HECW2: variants seen among roughly 807,000 people sequenced by gnomAD.
HECW2 encodes E3 ubiquitin-protein ligase HECW2.
In HECW2, 61 loss-of-function variants were observed where a neutral mutation model predicts 175.2. The observed-to-expected ratio is 0.35, with a 90% confidence interval of 0.28 to 0.43. HECW2 has a LOEUF of 0.43. Among genes scored for constraint, HECW2 ranks in the 20% least tolerant of loss-of-function variants. The pLI, the probability that HECW2 is intolerant of heterozygous loss-of-function variation, is 1.00. For missense variants in HECW2, 1,524 were observed against 2,000.5 expected (o/e 0.76, Z 4.54); for synonymous variants, 671 against 731.0 (o/e 0.92, Z 1.32).
intron 2 of HECW2, among the ~76,000 whole-genome samples, chr2:196,412,892 G>A (rs1695153364): frequency 6.6e-6 from 1 of 152,184 alleles, no homozygotes; most frequent in Non-Finnish European, 1.5e-5. Context: ...GCTGGAAGGA[G>A]CCCTCTGAAT....
At chr2:196,266,548 G>A (rs1233206307) in intron 17 of HECW2, among the ~76,000 whole-genome samples, 1 of 152,100 alleles carries the variant, frequency 6.6e-6, no homozygotes, top group Non-Finnish European at 1.5e-5. Context: ...AGCTAGGCAG[G>A]TCTTAACAGG....
intron 14 of HECW2, chr2:196,287,931 T>A (rs1216383167): frequency 1.3e-5 from 2 of 152,110 alleles, no homozygotes; most frequent in South Asian, 4.1e-4. Context: ...ATGCCATAAA[T>A]AAGTCATTCT....
At chr2:196,399,043 GTTA>G (rs1694746899) in intron 2 of HECW2, among the ~76,000 whole-genome samples, 1 of 152,124 alleles carries the variant, frequency 6.6e-6, no homozygotes. Flanking sequence ...ACAATCCAAT[GTTA>G]TTATATGATT....
chr2:196,538,702 C>T (rs1213605464), intron 1 of HECW2, among the ~76,000 whole-genome samples: 1 of 152,144 alleles, frequency 6.6e-6, no homozygotes, highest in African/African-American at 2.4e-5. Context: ...GTCTCATGAG[C>T]TAACATGTTC....
At chr2:196,548,886 A>G (rs192923506) in intron 1 of HECW2, among the ~76,000 whole-genome samples, 2 of 152,148 alleles carry the variant, frequency 1.3e-5, no homozygotes, top group East Asian at 1.9e-4. Context: ...CTTTCTGCCC[A>G]TATTTCCCCT....
chr2:196,380,719 G>A (rs890881287), intron 2 of HECW2, among the ~76,000 whole-genome samples: 2 of 152,152 alleles, frequency 1.3e-5, no homozygotes, highest in Admixed American at 6.5e-5. Flanking sequence ...TTCTGCTGCC[G>A]TTAGTGGCTC....
intron 21 of HECW2, 72 bp from the exon 22 acceptor site, chr2:196,228,326 C>T (rs1687927417): frequency 7.2e-7 from 1 of 1,391,194 alleles, no homozygotes; most frequent in Non-Finnish European, 9.8e-7. Flanking sequence ...TTCTCCAGAG[C>T]TCAAGTTTCC....
chr2:196,340,141 T>A (rs1242106051), intron 3 of HECW2, among the ~76,000 whole-genome samples: 1 of 152,202 alleles, frequency 6.6e-6, no homozygotes, highest in African/African-American at 2.4e-5. Context: ...CAAACATTTT[T>A]AAATACTTTG....
chr2:196,464,309 A>T (rs1696862470), intron 1 of HECW2, among the ~76,000 whole-genome samples: 1 of 152,174 alleles, frequency 6.6e-6, no homozygotes. Context: ...AGGGGAAAAA[A>T]TTTCAGGTAG....
At chr2:196,515,109 C>A (rs1688102021) in intron 1 of HECW2, among the ~76,000 whole-genome samples, 1 of 152,356 alleles carries the variant, frequency 6.6e-6, no homozygotes, top group Non-Finnish European at 1.5e-5. Flanking sequence ...GACGCAGGTG[C>A]CTGCAGCAGA....
intron 2 of HECW2, among the ~76,000 whole-genome samples, chr2:196,357,911 T>G (rs1464931532): frequency 6.6e-6 from 1 of 152,220 alleles, no homozygotes; most frequent in African/African-American, 2.4e-5. Context: ...TTAAATCTCT[T>G]TTGTGTATAA....
At chr2:196,320,004 T>C (rs938960938) in intron 8 of HECW2, 100 bp from the exon 9 acceptor site, 6 of 1,207,762 alleles carry the variant, frequency 5.0e-6, no homozygotes, top group Non-Finnish European at 6.8e-6. Context: ...AAGAAATCAG[T>C]CATTCTGAGG....
chr2:196,250,307 A>C (rs1025355881), intron 19 of HECW2, among the ~76,000 whole-genome samples: 7 of 152,244 alleles, frequency 4.6e-5, no homozygotes, highest in South Asian at 2.1e-4. Context: ...AGCTCTGCAA[A>C]TCAGGGTTCG....
chr2:196,307,696 G>T (rs984126587), intron 11 of HECW2, among the ~76,000 whole-genome samples: 2 of 152,200 alleles, frequency 1.3e-5, no homozygotes, highest in East Asian at 3.9e-4. Flanking sequence ...GACTAAAGGG[G>T]TCACATTTAT....
chr2:196,533,473 G>GT (rs1307958672), intron 1 of HECW2, among the ~76,000 whole-genome samples: 1 of 151,840 alleles, frequency 6.6e-6, no homozygotes, highest in African/African-American at 2.4e-5. Context: ...TTTTTTGTGT[G>GT]TGTGGGGGGG....
intron 10 of HECW2, among the ~76,000 whole-genome samples, chr2:196,312,108 C>T (rs1691518856): frequency 6.6e-6 from 1 of 152,084 alleles, no homozygotes; most frequent in Non-Finnish European, 1.5e-5. Context: ...TCATCCTTTC[C>T]CACTCCCTTC....
At chr2:196,222,915 G>A (rs78998644) in intron 23 of HECW2, among the ~76,000 whole-genome samples, 2,777 of 151,830 alleles carry the variant, frequency 0.018, 108 homozygotes, top group East Asian at 0.17. Context: ...AGAACCTGCC[G>A]TCAATCTGTA....
chr2:196,239,552 T>C (rs1559456765), intron 21 of HECW2: 2 of 152,228 alleles, frequency 1.3e-5, no homozygotes, highest in African/African-American at 4.8e-5. Context: ...CATAATCTAA[T>C]ATACTTTATT....
At chr2:196,350,055 G>T (rs984619794) in intron 2 of HECW2, among the ~76,000 whole-genome samples, 4 of 152,146 alleles carry the variant, frequency 2.6e-5, no homozygotes, top group Non-Finnish European at 5.9e-5. Flanking sequence ...TGAATGAGGG[G>T]GTGGGTGGTG....
Sources: allele counts gnomAD v4.1 joint callset (sites outside exome capture counted in the v4.1 genomes callset), GRCh38; gene constraint gnomAD v4.1.1; transcripts MANE v1.5; gene names NCBI Gene and HGNC (gene_info 2026-07-23, HGNC 2026-07-21).